Variants in EFCAB6 observed in about 807,000 individuals in gnomAD.
The protein encoded by EFCAB6 is EF-hand calcium-binding domain-containing protein 6.
In EFCAB6, 156 loss-of-function variants were observed where a neutral mutation model predicts 169.8. That is an observed-to-expected ratio of 0.92 (90% CI 0.81 to 1.05). The LOEUF is 1.05. EFCAB6 is among the 50% of genes least tolerant of loss of function. EFCAB6 has a pLI of 0.00. For missense variants in EFCAB6, 1,800 were observed against 1,829.1 expected, an observed-to-expected ratio of 0.98 and a Z score of 0.29; for synonymous variants, 698 against 676.4, an observed-to-expected ratio of 1.03 and a Z score of -0.50.
At chr22:43,711,929 T>C (rs1397528576) in intron 9 of EFCAB6, among the ~76,000 whole-genome samples, 1 of 152,126 alleles carries the variant, frequency 6.6e-6, no homozygotes, top group Admixed American at 6.5e-5. Context: ...TTGATACATC[T>C]TCCTTAATAT....
At chr22:43,739,114 T>C (rs562694381) in intron 6 of EFCAB6, among the ~76,000 whole-genome samples, 40 of 152,328 alleles carry the variant, frequency 2.6e-4, no homozygotes, top group African/African-American at 9.4e-4. Flanking sequence ...CTCAAGATTA[T>C]CTCCAATGTG....
chr22:43,806,391 A>C (rs1451832819), intron 2 of EFCAB6, among the ~76,000 whole-genome samples: 2 of 151,902 alleles, frequency 1.3e-5, no homozygotes, highest in East Asian at 3.9e-4. Flanking sequence ...AATAACTGGG[A>C]CTGCAGGTGC....
At chr22:43,794,473 A>C (rs1455376597) in intron 2 of EFCAB6, among the ~76,000 whole-genome samples, 2 of 152,224 alleles carry the variant, frequency 1.3e-5, no homozygotes, top group Non-Finnish European at 2.9e-5. Context: ...TTGTGCCAGC[A>C]TGTGTATGTG....
intron 22 of EFCAB6, among the ~76,000 whole-genome samples, chr22:43,600,514 C>G (rs1350662615): frequency 1.3e-5 from 2 of 152,138 alleles, no homozygotes; most frequent in Admixed American, 6.6e-5. Context: ...ACAGGCACAT[C>G]AGCATTCAGG....
At chr22:43,605,776 T>C (rs191785147) in intron 22 of EFCAB6, among the ~76,000 whole-genome samples, 2 of 152,358 alleles carry the variant, frequency 1.3e-5, no homozygotes, top group Non-Finnish European at 2.9e-5. Flanking sequence ...TAAACTGCGT[T>C]ATGTATATTT....
chr22:43,547,228 G>T (rs546003222), intron 27 of EFCAB6, among the ~76,000 whole-genome samples: 1 of 152,086 alleles, frequency 6.6e-6, no homozygotes, highest in African/African-American at 2.4e-5. Context: ...AGGAAGTAAG[G>T]GAAATCAGTA....
chr22:43,695,639 C>G (rs1475352675), intron 10 of EFCAB6, among the ~76,000 whole-genome samples: 2 of 152,026 alleles, frequency 1.3e-5, no homozygotes, highest in African/African-American at 4.8e-5. Flanking sequence ...CGAGAATAGA[C>G]CGACAGAGAC....
intron 17 of EFCAB6, among the ~76,000 whole-genome samples, chr22:43,660,019 C>T (rs1003741691): frequency 2.0e-5 from 3 of 152,162 alleles, no homozygotes; most frequent in East Asian, 1.9e-4. Flanking sequence ...TGCAGCTCTG[C>T]GTCTGTCTCC....
intron 2 of EFCAB6, among the ~76,000 whole-genome samples, chr22:43,801,023 C>G (rs1357453573): frequency 6.6e-6 from 1 of 151,926 alleles, no homozygotes; most frequent in Non-Finnish European, 1.5e-5. Context: ...TAAGACTATT[C>G]CAAGGCATAT....
At chr22:43,685,503 A>G (rs1308859728) in intron 11 of EFCAB6, among the ~76,000 whole-genome samples, 1 of 152,184 alleles carries the variant, frequency 6.6e-6, no homozygotes, top group African/African-American at 2.4e-5. Flanking sequence ...ACGTTGCCTT[A>G]GTGTGTGAGC....
intron 18 of EFCAB6, among the ~76,000 whole-genome samples, chr22:43,632,641 C>T (rs1047622567): frequency 3.3e-5 from 5 of 152,218 alleles, no homozygotes; most frequent in African/African-American, 1.2e-4. Flanking sequence ...CTCTGCCTGT[C>T]CCGAATCCTG....
chr22:43,706,113 A>T (rs1166388905), intron 10 of EFCAB6, among the ~76,000 whole-genome samples: 1 of 152,222 alleles, frequency 6.6e-6, no homozygotes, highest in African/African-American at 2.4e-5. Flanking sequence ...AAATGAATAT[A>T]ATCTAGACAT....
intron 17 of EFCAB6, among the ~76,000 whole-genome samples, chr22:43,647,837 A>C (rs2056258720): frequency 6.6e-6 from 1 of 152,234 alleles, no homozygotes; most frequent in African/African-American, 2.4e-5. Flanking sequence ...GGGATGCCGG[A>C]TGGCAGGCAG....
intron 10 of EFCAB6, among the ~76,000 whole-genome samples, chr22:43,692,440 G>T (rs1363008549): frequency 1.3e-5 from 2 of 152,080 alleles, no homozygotes; most frequent in African/African-American, 2.4e-5. Flanking sequence ...GCATTAACAT[G>T]CAGGATTTTA....
intron 20 of EFCAB6, among the ~76,000 whole-genome samples, chr22:43,618,355 G>T (rs749706145): frequency 6.6e-6 from 1 of 152,006 alleles, no homozygotes; most frequent in South Asian, 2.1e-4. Context: ...TTTGACAGCC[G>T]CATGAAGACC....
intron 28 of EFCAB6, 113 bp downstream of exon 28, chr22:43,540,014 G>C: frequency 1.7e-6 from 2 of 1,185,004 alleles, no homozygotes; most frequent in Non-Finnish European, 2.4e-6. Flanking sequence ...AGACTCACCC[G>C]TCTTCTCAGC....
intron 17 of EFCAB6, among the ~76,000 whole-genome samples, chr22:43,651,844 C>T (rs2056484769): frequency 6.6e-6 from 1 of 152,238 alleles, no homozygotes; most frequent in Admixed American, 6.5e-5. Flanking sequence ...TTCAGACTTG[C>T]ATGGGGCCTG....
intron 5 of EFCAB6, among the ~76,000 whole-genome samples, chr22:43,758,997 C>A (rs1019040360): frequency 3.3e-5 from 5 of 152,180 alleles, no homozygotes; most frequent in Admixed American, 3.3e-4. Context: ...CCAAGACTGG[C>A]GGATCACCTG....
At chr22:43,542,967 C>A (rs773081383) in intron 27 of EFCAB6, among the ~76,000 whole-genome samples, 4 of 152,156 alleles carry the variant, frequency 2.6e-5, no homozygotes. Context: ...CTTGAGCCAC[C>A]AGCTGAACCC....
Sources: allele counts gnomAD v4.1 joint callset (sites outside exome capture counted in the v4.1 genomes callset), GRCh38; gene constraint gnomAD v4.1.1; transcripts MANE v1.5; gene names NCBI Gene and HGNC (gene_info 2026-07-23, HGNC 2026-07-21).